LIMS1: variants seen among roughly 807,000 people sequenced by gnomAD.
The protein encoded by LIMS1 is LIM zinc finger domain containing 1.
In LIMS1, 18 loss-of-function variants were observed where a neutral mutation model predicts 44.1. The observed-to-expected ratio is 0.41, with a 90% CI of 0.28 to 0.61. The LOEUF is 0.61. Ranked by LOEUF, LIMS1 falls within the 20% of genes least tolerant of loss-of-function variation. The pLI is 0.32. For synonymous variants in LIMS1, 93 were observed against 149.1 expected, an observed-to-expected ratio of 0.62 and a Z score of 2.74; for missense variants, 201 against 422.0, an observed-to-expected ratio of 0.48 and a Z score of 4.59.
At chr2:108,643,399 G>C (rs1375768377) in intron 1 of LIMS1, among the ~76,000 whole-genome samples, 1 of 152,106 alleles carries the variant, frequency 6.6e-6, no homozygotes, top group Non-Finnish European at 1.5e-5. Flanking sequence ...CAAGGGGTTG[G>C]GGAACTCCCT....
At chr2:108,646,195 C>CA (rs1208274818) in intron 1 of LIMS1, among the ~76,000 whole-genome samples, 1 of 152,168 alleles carries the variant, frequency 6.6e-6, no homozygotes, top group Non-Finnish European at 1.5e-5. Flanking sequence ...TTCTCAGCAC[C>CA]ACATAGCACT....
chr2:108,579,297 A>T (rs180712702), intron 1 of LIMS1, among the ~76,000 whole-genome samples: 24 of 152,326 alleles, frequency 1.6e-4, no homozygotes, highest in African/African-American at 5.8e-4. Context: ...AAGATGTCAC[A>T]GCTCTTATAG....
intron 1 of LIMS1, among the ~76,000 whole-genome samples, chr2:108,576,338 A>G (rs183236175): frequency 2.6e-4 from 40 of 152,154 alleles, no homozygotes; most frequent in African/African-American, 8.9e-4. Context: ...CCTGGGCTCA[A>G]GCAATCCTCC....
At chr2:108,596,603 C>T (rs1373592916) in intron 1 of LIMS1, among the ~76,000 whole-genome samples, 1 of 152,292 alleles carries the variant, frequency 6.6e-6, no homozygotes, top group African/African-American at 2.4e-5. Flanking sequence ...ATGGGCAGAT[C>T]ACCTGAGGTC....
intron 2 of LIMS1, among the ~76,000 whole-genome samples, chr2:108,670,256 A>G (rs2433822): frequency 1.1e-4 from 16 of 152,316 alleles, no homozygotes; most frequent in East Asian, 3.9e-4. Context: ...AGACTGAGGT[A>G]GGAGGATTGC....
At chr2:108,619,426 G>A (rs1278999761) in intron 1 of LIMS1, among the ~76,000 whole-genome samples, 2 of 151,488 alleles carry the variant, frequency 1.3e-5, no homozygotes, top group African/African-American at 4.9e-5. Flanking sequence ...GCACACGCCT[G>A]TAATCCCAGC....
intron 1 of LIMS1, among the ~76,000 whole-genome samples, chr2:108,587,884 C>T (rs1686184726): frequency 6.6e-6 from 1 of 152,122 alleles, no homozygotes; most frequent in African/African-American, 2.4e-5. Flanking sequence ...CAGAGCCTGG[C>T]GTGCCCGTCC....
In LIMS1 at chr2:108,637,581, G is replaced by A. The variant is rs538166059; in HGVS notation, c.33-22024G>A. On this transcript the variant is annotated intron_variant, in intron 1 of 9. Coordinates refer to ENST00000544547, the Ensembl canonical transcript of LIMS1. ...ACTGGAGGCTGTCACTGGTGATCTG[G>A]GCGTTCTCCTAAGTCAGCATTCCTA... Among the ~76,000 whole-genome samples the A allele has an allele frequency of 3.3e-5, 5 of 152,226 alleles. No individual in the cohort carries two copies. The South Asian group carries it at 1.0e-3, about 32-fold the overall frequency.
intron 9 of LIMS1, chr2:108,681,406 C>A: frequency 3.1e-6 from 3 of 977,560 alleles, no homozygotes; most frequent in Non-Finnish European, 3.6e-6. Flanking sequence ...TTTTTAAACA[C>A]CATATAGTAT....
chr2:108,680,353 G>A lies in LIMS1; in HGVS notation c.824-342G>A, dbSNP rs1373225049. ...CTGCACTCCAGCCTGGCAACAGAGC[G>A]AGATTCCGTCTCAAAAAAAAAAAAA... On this transcript the variant is annotated intron_variant, in intron 8 of 9. Transcript: ENST00000544547. Among the ~76,000 whole-genome samples the A allele has an allele frequency of 3.7e-5, 5 of 135,026 alleles. No homozygotes were observed. The South Asian group carries it at 7.3e-4, about 20-fold the overall frequency. 88.6% of individuals were successfully genotyped at this position (135,026 alleles called of 152,430 possible).
upstream of LIMS1, chr2:108,534,110 G>A (rs940914645): frequency 1.3e-5 from 2 of 153,714 alleles, no homozygotes; most frequent in South Asian, 4.1e-4. Flanking sequence ...TTGTTGTAGG[G>A]AACTCGGCCC....
intron 1 of LIMS1, among the ~76,000 whole-genome samples, chr2:108,651,252 A>G (rs1424254988): frequency 6.6e-6 from 1 of 152,128 alleles, no homozygotes; most frequent in African/African-American, 2.4e-5. Flanking sequence ...TTTGCCTTGT[A>G]TTATTTATGC....
intron 1 of LIMS1, among the ~76,000 whole-genome samples, chr2:108,572,380 CTT>C (rs780841996): frequency 4.4e-5 from 5 of 112,714 alleles, no homozygotes; most frequent in Admixed American, 2.1e-4. Context: ...GGGACTCTTG[CTT>C]TTTTTTTTTT....
chr2:108,624,655 G>A (rs1336001305), intron 1 of LIMS1, among the ~76,000 whole-genome samples: 1 of 152,214 alleles, frequency 6.6e-6, no homozygotes, highest in Non-Finnish European at 1.5e-5. Flanking sequence ...TACTGTGGAG[G>A]CTGAGGCAGG....
At chr2:108,591,791 TTTTTTTTTTG>T (rs1190771717) in intron 1 of LIMS1, among the ~76,000 whole-genome samples, 1 of 92,742 alleles carries the variant, frequency 1.1e-5, no homozygotes, top group Non-Finnish European at 2.3e-5. Flanking sequence ...TGTTTTTAGT[TTTTTTTTTTG>T]TTTTTTTTTT....
intron 1 of LIMS1, among the ~76,000 whole-genome samples, chr2:108,626,214 G>A (rs1688566231): frequency 6.6e-6 from 1 of 152,100 alleles, no homozygotes; most frequent in African/African-American, 2.4e-5. Flanking sequence ...AATTATGTTT[G>A]TATTTTAGTT....
chr2:108,592,147 C>T (rs1014769627), intron 1 of LIMS1, among the ~76,000 whole-genome samples: 4 of 152,018 alleles, frequency 2.6e-5, no homozygotes, highest in Admixed American at 2.6e-4. Context: ...TTGGGTCTTG[C>T]CCAAAAGTTA....
At chr2:108,646,759 G>A (rs755761124) in intron 1 of LIMS1, among the ~76,000 whole-genome samples, 1 of 152,200 alleles carries the variant, frequency 6.6e-6, no homozygotes, top group Admixed American at 6.5e-5. Context: ...AGGCTGGAGT[G>A]CAGTGGTGCG....
At chr2:108,684,246 A>C in exon 10 of LIMS1, 1 of 202,210 alleles carries the variant, frequency 4.9e-6, no homozygotes, top group Non-Finnish European at 1.0e-5. Flanking sequence ...ACAAAAAAAA[A>C]ACACATGGTT....
Sources: allele counts gnomAD v4.1 joint callset (sites outside exome capture counted in the v4.1 genomes callset), GRCh38; gene constraint gnomAD v4.1.1; transcripts MANE v1.5; gene names NCBI Gene and HGNC (gene_info 2026-07-23, HGNC 2026-07-21).